Variants in GDAP2 observed in about 807,000 individuals in gnomAD.
GDAP2 encodes the protein ganglioside-induced differentiation-associated protein 2.
Under a neutral mutation model 67.0 loss-of-function variants are expected in GDAP2, and 51 were observed. The observed-to-expected ratio is 0.76, with a 90% CI of 0.61 to 0.96. GDAP2 has a LOEUF of 0.96. Ranked by LOEUF, GDAP2 falls within the 40% of genes least tolerant of loss-of-function variation. GDAP2 has a pLI of 0.00. For missense variants in GDAP2, 547 were observed against 588.3 expected, an observed-to-expected ratio of 0.93 and a Z score of 0.73; for synonymous variants, 203 against 207.3, an observed-to-expected ratio of 0.98 and a Z score of 0.18.
At chr1:117,876,157 AT>A (rs899819668) in intron 13 of GDAP2, among the ~76,000 whole-genome samples, 22 of 152,202 alleles carry the variant, frequency 1.4e-4, no homozygotes, top group African/African-American at 4.6e-4. Context: ...TGTTTGAGTC[AT>A]GGGGTGGGGC....
intron 13 of GDAP2, among the ~76,000 whole-genome samples, chr1:117,873,168 T>C (rs1272827913): frequency 3.3e-5 from 5 of 152,230 alleles, no homozygotes; most frequent in Non-Finnish European, 5.9e-5. Context: ...ATTTTTTCTA[T>C]TTCTGGAAAC....
chr1:117,885,244 C>T (rs1254146860), intron 10 of GDAP2, among the ~76,000 whole-genome samples: 4 of 151,968 alleles, frequency 2.6e-5, no homozygotes, highest in Admixed American at 1.3e-4. Flanking sequence ...ATTCTCCACC[C>T]CCCACCCCAG....
At chr1:117,896,484 T>G (rs1344519754) in intron 8 of GDAP2, 1 of 168,172 alleles carries the variant, frequency 5.9e-6, no homozygotes, top group Non-Finnish European at 1.3e-5. Flanking sequence ...ATTATAAACA[T>G]AGTAGAGCTA....
chr1:117,894,843 A>T (rs555361457), intron 8 of GDAP2, among the ~76,000 whole-genome samples: 1 of 152,232 alleles, frequency 6.6e-6, no homozygotes, highest in Non-Finnish European at 1.5e-5. Flanking sequence ...CTTGAGCTTT[A>T]AATATATACA....
At position 117,920,171 on chromosome 1, in the gene GDAP2, CA is replaced by C; in HGVS notation, c.176+10del. On this transcript the variant is annotated intron_variant, in intron 2 of 13. Coordinates refer to ENST00000369443, the MANE Select transcript of GDAP2 (RefSeq NM_017686.4). Reference sequence around the variant, plus strand: ...TTATCTCCTCATGATATGATGTAATCAAAAAATTACCAAAGAACCACTTTTC... The same window carrying C: ...TTATCTCCTCATGATATGATGTAATCAAAAATTACCAAAGAACCACTTTTC... 3 of 1,523,154 alleles carry C rather than the reference CA, an allele frequency of 2.0e-6. No individual in the cohort carries two copies. The highest frequency in any genetic ancestry group is 2.7e-6 in the Non-Finnish European group (3 of 1,103,496). The allele number at this position is 1,523,154 out of a possible 1,614,324, so 94.4% of individuals were successfully genotyped here.
intron 12 of GDAP2, 40 bp from the exon 13 acceptor site, chr1:117,878,192 CAT>C: frequency 8.8e-7 from 1 of 1,136,530 alleles, no homozygotes; most frequent in African/African-American, 1.6e-5. Flanking sequence ...AGCTAGTTGC[CAT>C]AGTTAGAAAC....
chr1:117,912,697 A>G lies in GDAP2; in HGVS notation c.317-14T>C, dbSNP rs1205436571. Reference sequence around the variant, plus strand: ...CTGTTCGGCACCCTGAAAACAATGGAAACACACATAAGTTTGGATGTGTTA... The same window carrying G: ...CTGTTCGGCACCCTGAAAACAATGGGAACACACATAAGTTTGGATGTGTTA... On this transcript the variant is annotated splice_polypyrimidine_tract_variant and intron_variant, in intron 3 of 13. Transcript: ENST00000369443. 1 of 1,609,202 alleles carries G rather than the reference A, an allele frequency of 6.2e-7. No individual in the cohort carries two copies. The highest frequency in any genetic ancestry group is 2.2e-5 in the East Asian group (1 of 44,858).
In GDAP2 at chr1:117,893,513, C is replaced by T. The variant is rs527515300; in HGVS notation, c.953+3320G>A. ...TCGCTACTGATGGAAGAATTGAAGG[C>T]TTTTGAAAAGATATTTACTAACTAA... On this transcript the variant is annotated intron_variant, in intron 8 of 13. Coordinates refer to ENST00000369443, the MANE Select transcript of GDAP2 (RefSeq NM_017686.4). 5.3e-4 allele frequency among the ~76,000 whole-genome samples: 80 copies of T among 152,244 alleles called. No individual in the cohort carries two copies. In the South Asian group the frequency reaches 0.016, roughly 31 times the overall value.
intron 5 of GDAP2, among the ~76,000 whole-genome samples, chr1:117,906,947 T>C (rs1435470435): frequency 6.6e-6 from 1 of 152,198 alleles, no homozygotes; most frequent in South Asian, 2.1e-4. Context: ...CTCTATACAA[T>C]TCTCTTTTAT....
At chr1:117,873,158 A>AT (rs1219398695) in intron 13 of GDAP2, among the ~76,000 whole-genome samples, 1 of 152,130 alleles carries the variant, frequency 6.6e-6, no homozygotes, top group African/African-American at 2.4e-5. Flanking sequence ...GCAATCAAAT[A>AT]TTTTTTCTAT....
intron 13 of GDAP2, chr1:117,877,670 C>T: frequency 9.7e-7 from 1 of 1,026,200 alleles, no homozygotes; most frequent in South Asian, 4.6e-5. Context: ...TCTTCTGGCT[C>T]TGTGTAGATG....
chr1:117,918,842 T>C (rs1650142099), intron 2 of GDAP2, 106 bp from the exon 3 acceptor site: 1 of 921,718 alleles, frequency 1.1e-6, no homozygotes, highest in East Asian at 2.7e-5. Context: ...AAAATGTTGG[T>C]TTTGCTAGCT....
chr1:117,911,811 C>T (rs1649866175), intron 5 of GDAP2, among the ~76,000 whole-genome samples, 183 bp downstream of exon 5: 2 of 150,962 alleles, frequency 1.3e-5, no homozygotes, highest in African/African-American at 4.9e-5. Context: ...GTTGCTCGGG[C>T]TGGAGTGCAG....
At chr1:117,877,497 C>T (rs966875332) in intron 13 of GDAP2, 1 of 973,822 alleles carries the variant, frequency 1.0e-6, no homozygotes, top group Non-Finnish European at 1.2e-6. Context: ...GCTTATGTAA[C>T]AGATCCATAA....
intron 13 of GDAP2, among the ~76,000 whole-genome samples, chr1:117,876,517 A>C (rs771544836): frequency 1.3e-5 from 2 of 152,216 alleles, no homozygotes; most frequent in Non-Finnish European, 2.9e-5. Context: ...CCCCATTTTT[A>C]TGCCTCTCTT....
chr1:117,891,225 G>A (rs1649071909), intron 8 of GDAP2, among the ~76,000 whole-genome samples: 1 of 150,206 alleles, frequency 6.7e-6, no homozygotes, highest in African/African-American at 2.5e-5. Flanking sequence ...TTTTGCTATT[G>A]TGAAGAGGGC....
At position 117,870,223 on chromosome 1, in the gene GDAP2, G is replaced by A. The variant is rs943684173; in HGVS notation, c.*346C>T. 1 of 296,114 alleles carries A rather than the reference G, an allele frequency of 3.4e-6. No homozygotes were observed. Among genetic ancestry groups the A allele is most frequent in the African/African-American group, 2.2e-5 (1 of 44,658 alleles). The allele number at this position is 296,114 out of a possible 1,614,324, so 18.3% of individuals were successfully genotyped here. On this transcript the variant is annotated 3_prime_UTR_variant, in exon 14 of 14. Transcript: ENST00000369443. ...TACACAAAGGAAGCGTGCAATGTTAGAGAGATGATGTGAACAGTCTTGGTG... is the reference window on the plus strand; with the variant it reads ...TACACAAAGGAAGCGTGCAATGTTAAAGAGATGATGTGAACAGTCTTGGTG...
At chr1:117,915,417 C>T (rs1650018333) in intron 3 of GDAP2, among the ~76,000 whole-genome samples, 1 of 152,224 alleles carries the variant, frequency 6.6e-6, no homozygotes, top group South Asian at 2.1e-4. Context: ...CAAAAAGATG[C>T]AATGTCTGGT....
rs888316227 is a variant in GDAP2 at position 117,920,395 on chromosome 1, C to T, written c.-38G>A. The T allele has an allele frequency of 1.4e-6, 2 of 1,393,718 alleles. No individual in the cohort carries two copies. The highest frequency in any genetic ancestry group is 2.0e-6 in the Non-Finnish European group (2 of 1,001,666). The allele number at this position is 1,393,718 out of a possible 1,614,324, so 86.3% of individuals were successfully genotyped here. On this transcript the variant is annotated 5_prime_UTR_variant, in exon 2 of 14. Coordinates refer to ENST00000369443, the MANE Select transcript of GDAP2 (RefSeq NM_017686.4). Reference sequence around the variant, plus strand: ...TTGATTTGTCTTTTCCCAAAATCCTCAGCAATTCAATATTCACTGGAGACT... The same window carrying T: ...TTGATTTGTCTTTTCCCAAAATCCTTAGCAATTCAATATTCACTGGAGACT...
Sources: gnomAD v4.1 joint callset for allele counts (sites outside exome capture counted in the v4.1 genomes callset) on GRCh38, gnomAD v4.1.1 for gene constraint, MANE v1.5 for transcripts, NCBI Gene and HGNC (gene_info 2026-07-23, HGNC 2026-07-21) for gene names.